The following TOGARAM1 variants were observed in gnomAD, a reference collection of about 807,000 sequenced individuals.
The protein encoded by TOGARAM1 is TOG array regulator of axonemal microtubules protein 1.
A neutral mutation model predicts 166.6 loss-of-function variants in TOGARAM1; 100 were observed. The ratio of observed to expected loss-of-function variants is 0.60; its 90% CI spans 0.51 to 0.71. TOGARAM1 has a LOEUF of 0.71. TOGARAM1 is among the 30% of genes least tolerant of loss of function. The pLI is 0.00. For missense variants in TOGARAM1, 2,029 were observed against 2,102.7 expected (o/e 0.96, Z 0.69); for synonymous variants, 758 against 763.8 (o/e 0.99, Z 0.13).
Position 44,994,934 on chromosome 14 carries a change from A to G in TOGARAM1, c.2047-812A>G, listed in dbSNP as rs537396927. On this transcript the variant is annotated intron_variant, in intron 1 of 19. Transcript: ENST00000361462. ...ACCACATCTAGATTTGATTGTGTCT[A>G]TGAGCTCCAAATAAATATATAGGAA... Among the ~76,000 whole-genome samples, 170 of 152,354 alleles carry G rather than the reference A, an allele frequency of 1.1e-3. 1 individual carries two copies. Among genetic ancestry groups the G allele is most frequent in the African/African-American group, 4.0e-3 (166 of 41,590 alleles).
intron 3 of TOGARAM1, among the ~76,000 whole-genome samples, chr14:45,000,710 A>G (rs1887655568): frequency 6.6e-6 from 1 of 152,096 alleles, no homozygotes; most frequent in African/African-American, 2.4e-5. Context: ...CTTTCGATAT[A>G]TGCCCAGCAG....
At chr14:45,041,028 G>A (rs1040753947) in intron 11 of TOGARAM1, among the ~76,000 whole-genome samples, 1 of 152,010 alleles carries the variant, frequency 6.6e-6, no homozygotes, top group African/African-American at 2.4e-5. Context: ...AACAGAGCGA[G>A]ACTCTGTCTC....
intron 1 of TOGARAM1, among the ~76,000 whole-genome samples, chr14:44,985,949 T>C (rs533668720): frequency 6.6e-6 from 1 of 152,356 alleles, no homozygotes; most frequent in Non-Finnish European, 1.5e-5. Flanking sequence ...GTCTGAAAAT[T>C]ACAATAGAAG....
chr14:45,045,530 A>C (rs1881943695), intron 13 of TOGARAM1, among the ~76,000 whole-genome samples: 1 of 91,936 alleles, frequency 1.1e-5, no homozygotes. Context: ...GTAGTATTCC[A>C]TGGTCTGTGT....
At chr14:45,039,182 G>A (rs1566654925) in intron 11 of TOGARAM1, among the ~76,000 whole-genome samples, 1 of 152,176 alleles carries the variant, frequency 6.6e-6, no homozygotes, top group Non-Finnish European at 1.5e-5. Context: ...ACAGCTCTCA[G>A]CAGAGAGGAG....
chr14:44,971,362 T>C, intron 1 of TOGARAM1, among the ~76,000 whole-genome samples: 1 of 152,294 alleles, frequency 6.6e-6, no homozygotes, highest in Middle Eastern at 3.4e-3. Context: ...TAGTATTCCT[T>C]TATTATCCTT....
chr14:44,977,581 A>AC (rs1218860069), intron 1 of TOGARAM1, among the ~76,000 whole-genome samples: 1 of 151,958 alleles, frequency 6.6e-6, no homozygotes, highest in Non-Finnish European at 1.5e-5. Flanking sequence ...TTCCTATGAG[A>AC]CCCCACACAG....
intron 1 of TOGARAM1, among the ~76,000 whole-genome samples, 183 bp downstream of exon 1, chr14:44,964,650 G>T (rs1474248843): frequency 6.6e-6 from 1 of 152,088 alleles, no homozygotes; most frequent in Non-Finnish European, 1.5e-5. Context: ...CCATTTAATA[G>T]GCTTCCTGCT....
At chr14:45,011,585 G>A (rs560211992) in intron 6 of TOGARAM1, among the ~76,000 whole-genome samples, 3 of 152,100 alleles carry the variant, frequency 2.0e-5, no homozygotes, top group Non-Finnish European at 4.4e-5. Context: ...AAAATGCTAG[G>A]ATTACAGGCA....
chr14:44,980,558 G>T (rs1329362904), intron 1 of TOGARAM1, among the ~76,000 whole-genome samples: 1 of 152,142 alleles, frequency 6.6e-6, no homozygotes, highest in Non-Finnish European at 1.5e-5. Flanking sequence ...GCATGCACCT[G>T]TAATCCCAGC....
intron 1 of TOGARAM1, among the ~76,000 whole-genome samples, chr14:44,971,016 G>A (rs1401295657): frequency 6.6e-6 from 1 of 151,646 alleles, no homozygotes; most frequent in East Asian, 1.9e-4. Context: ...TTTTGTTTTT[G>A]TTTTTTTTCT....
At position 45,073,441 on chromosome 14, in the gene TOGARAM1, A is replaced by T. The variant is rs749799932; in HGVS notation, c.5202A>T (p.Leu1734Phe). 2.3e-5 allele frequency: 37 copies of T among 1,614,092 alleles called. No individual in the cohort carries two copies. In the South Asian group the frequency reaches 3.5e-4, roughly 15 times the overall value. ...ATATACGAACAGCCACAGCTAAATTATCAAAAGCACTCTTTGCACAGATGG... is the reference window on the plus strand; with the variant it reads ...ATATACGAACAGCCACAGCTAAATTTTCAAAAGCACTCTTTGCACAGATGG... ...GGNIRTATAK[L>F]SKALFAQMGQ... The change falls in exon 20 of 20, where the codon TTA becomes TTT. Residue 1734 changes from leucine to phenylalanine, a missense_variant. Physicochemically the swap from Leu to Phe is conservative, Grantham distance 22. Transcript: ENST00000361462.
At chr14:45,041,441 C>G (rs1321847901) in intron 11 of TOGARAM1, among the ~76,000 whole-genome samples, 1 of 152,140 alleles carries the variant, frequency 6.6e-6, no homozygotes, top group Non-Finnish European at 1.5e-5. Flanking sequence ...AAGAAAACTT[C>G]AGTTTCTGAT....
chr14:44,991,717 T>A (rs934925116), intron 1 of TOGARAM1, among the ~76,000 whole-genome samples: 2 of 150,918 alleles, frequency 1.3e-5, no homozygotes, highest in East Asian at 3.8e-4. Context: ...CAGAGTATCA[T>A]GTGATTTATT....
intron 7 of TOGARAM1, among the ~76,000 whole-genome samples, chr14:45,023,304 T>A (rs1880633785): frequency 6.6e-6 from 1 of 152,190 alleles, no homozygotes; most frequent in Non-Finnish European, 1.5e-5. Flanking sequence ...GTGGCTGGGT[T>A]GAGTTGCACA....
intron 7 of TOGARAM1, among the ~76,000 whole-genome samples, chr14:45,023,513 T>G (rs1160930607): frequency 6.6e-6 from 1 of 152,220 alleles, no homozygotes; most frequent in Non-Finnish European, 1.5e-5. Flanking sequence ...ATACTAAGAC[T>G]GCTACTGCCA....
intron 1 of TOGARAM1, chr14:44,995,493 G>T: frequency 2.0e-6 from 1 of 502,042 alleles, no homozygotes; most frequent in Non-Finnish European, 3.9e-6. Context: ...GCCAGAGTCT[G>T]CTGTAGGATG....
At chr14:45,026,642 T>C (rs1231230543) in intron 8 of TOGARAM1, among the ~76,000 whole-genome samples, 2 of 152,124 alleles carry the variant, frequency 1.3e-5, no homozygotes, top group Admixed American at 6.6e-5. Context: ...CCTTCTTTAC[T>C]TTATACAGAT....
rs79273364 is a variant in TOGARAM1, at chr14:45,014,601, C to T, written c.3238+2526C>T. Among the ~76,000 whole-genome samples, 297 of 152,100 alleles carry T rather than the reference C, an allele frequency of 2.0e-3. 1 individual carries two copies. The highest frequency in any genetic ancestry group is 6.7e-3 in the African/African-American group (277 of 41,510). ...AATTGGTAAAACATAAAAATGATAA[C>T]GCTCAGAATAAAGACTATTGGATGA... is the stretch of plus-strand genomic sequence containing the variant. On this transcript the variant is annotated intron_variant, in intron 7 of 19. Coordinates refer to ENST00000361462, the MANE Select transcript of TOGARAM1 (RefSeq NM_001308120.2).
Sources: gnomAD v4.1 joint callset for allele counts (sites outside exome capture counted in the v4.1 genomes callset) on GRCh38, gnomAD v4.1.1 for gene constraint, MANE v1.5 for transcripts, NCBI Gene and HGNC (gene_info 2026-07-23, HGNC 2026-07-21) for gene names.